EFNA5: variants seen among roughly 807,000 people sequenced by gnomAD.
EFNA5 encodes ephrin-A5.
Under a neutral mutation model 22.9 loss-of-function variants are expected in EFNA5, and 5 were observed. The observed-to-expected ratio is 0.22, with a 90% CI of 0.11 to 0.46. EFNA5 has a LOEUF of 0.46. EFNA5 is among the 20% of genes least tolerant of loss of function. EFNA5 has a pLI of 0.99. For missense variants in EFNA5, 237 were observed against 293.3 expected (o/e 0.81, Z 1.40); for synonymous variants, 113 against 112.2 (o/e 1.01, Z -0.04).
chr5:107,504,587 G>A (rs1747212929), intron 1 of EFNA5, among the ~76,000 whole-genome samples: 2 of 152,158 alleles, frequency 1.3e-5, no homozygotes, highest in African/African-American at 4.8e-5. Flanking sequence ...AGCACAGACA[G>A]ATACAGATAT....
In EFNA5 at chr5:107,402,012, T is replaced by C. The variant is rs202182129; in HGVS notation, c.419-14241A>G. Among the ~76,000 whole-genome samples the C allele has an allele frequency of 6.6e-5, 10 of 152,202 alleles. No individual in the cohort carries two copies. In the East Asian group the frequency reaches 1.5e-3, roughly 23 times the overall value. The stretch of plus-strand genomic sequence containing the variant: ...GCACTGCTGTGAGGTTTTGACTTTA[T>C]AGAAAAAGGCACTTCATAAAAGCAA... On this transcript the variant is annotated intron_variant, in intron 2 of 4. Coordinates refer to ENST00000333274, the MANE Select transcript of EFNA5 (RefSeq NM_001962.3).
At chr5:107,511,512 TTAA>T (rs913339859) in intron 1 of EFNA5, among the ~76,000 whole-genome samples, 1 of 152,150 alleles carries the variant, frequency 6.6e-6, no homozygotes, top group African/African-American at 2.4e-5. Flanking sequence ...ACTCAGTATT[TTAA>T]TAATAAAATA....
chr5:107,521,473 TA>T (rs1266476972), intron 1 of EFNA5, among the ~76,000 whole-genome samples: 2,695 of 130,522 alleles, frequency 0.021, 39 homozygotes, highest in East Asian at 0.072. Flanking sequence ...TATATATATA[TA>T]TATTTTTTTT....
intron 1 of EFNA5, among the ~76,000 whole-genome samples, chr5:107,635,896 G>A (rs1396067197): frequency 6.6e-6 from 1 of 152,140 alleles, no homozygotes; most frequent in African/African-American, 2.4e-5. Flanking sequence ...CCAGATTGTG[G>A]GCAAATGAAA....
chr5:107,656,711 C>A (rs1750832965), intron 1 of EFNA5, among the ~76,000 whole-genome samples: 1 of 152,076 alleles, frequency 6.6e-6, no homozygotes, highest in Non-Finnish European at 1.5e-5. Context: ...CACATATACA[C>A]ATTCCTTTAA....
chr5:107,394,741 CAATT>C (rs1747876814), intron 2 of EFNA5, among the ~76,000 whole-genome samples: 1 of 152,112 alleles, frequency 6.6e-6, no homozygotes, highest in South Asian at 2.1e-4. Flanking sequence ...CTCAGTAGAT[CAATT>C]ACTTTTTCTT....
intron 1 of EFNA5, among the ~76,000 whole-genome samples, chr5:107,646,393 T>C (rs969352291): frequency 6.6e-6 from 1 of 152,162 alleles, no homozygotes; most frequent in African/African-American, 2.4e-5. Flanking sequence ...CTTAAAGGCA[T>C]TATCATTCTC....
chr5:107,530,195 T>G lies in EFNA5; in HGVS notation c.126-102686A>C, dbSNP rs145060288. Among the ~76,000 whole-genome samples the G allele has an allele frequency of 8.5e-5, 13 of 152,362 alleles. 1 individual carries two copies. The East Asian group carries it at 2.3e-3, about 27-fold the overall frequency. On this transcript the variant is annotated intron_variant, in intron 1 of 4. Transcript: ENST00000333274. ...CATCCACTGTAAGTCAGCAAGGGGCTCTGCTCATTGTAGTAACTCAGGGAC... is the reference window on the plus strand; with the variant it reads ...CATCCACTGTAAGTCAGCAAGGGGCGCTGCTCATTGTAGTAACTCAGGGAC...
intron 1 of EFNA5, among the ~76,000 whole-genome samples, chr5:107,469,385 C>G (rs11242637): frequency 0.012 from 1,549 of 131,272 alleles, 13 homozygotes; most frequent in African/African-American, 0.04. Flanking sequence ...GGTATTTCCT[C>G]TTTCTTTTAT....
At chr5:107,520,480 A>G (rs1329323945) in intron 1 of EFNA5, among the ~76,000 whole-genome samples, 1 of 152,246 alleles carries the variant, frequency 6.6e-6, no homozygotes, top group Non-Finnish European at 1.5e-5. Flanking sequence ...TCAGTTGGCT[A>G]TGCTGTTCTC....
chr5:107,459,840 G>A (rs539814129), intron 1 of EFNA5, among the ~76,000 whole-genome samples: 1 of 152,274 alleles, frequency 6.6e-6, no homozygotes, highest in South Asian at 2.1e-4. Flanking sequence ...GATAAGGGCA[G>A]CTTGACTGGA....
intron 1 of EFNA5, among the ~76,000 whole-genome samples, chr5:107,436,508 T>C (rs1194902024): frequency 6.6e-6 from 1 of 152,202 alleles, no homozygotes; most frequent in African/African-American, 2.4e-5. Context: ...AAATAGTTAA[T>C]GTCTGGCAAT....
Position 107,667,757 on chromosome 5 carries a change from C to A in EFNA5, c.125+2732G>T, listed in dbSNP as rs112072972. 2.9e-3 allele frequency among the ~76,000 whole-genome samples: 447 copies of A among 152,112 alleles called. 2 individuals are homozygous for A. The highest frequency in any genetic ancestry group is 9.6e-3 in the African/African-American group (399 of 41,488). On this transcript the variant is annotated intron_variant, in intron 1 of 4. Transcript: ENST00000333274. ...AAAGATTGAAGTCTTACTAGTTTAG[C>A]AAAATTTTAACAGATAGGTTCTATA...
At chr5:107,531,820 A>G (rs1279411040) in intron 1 of EFNA5, among the ~76,000 whole-genome samples, 1 of 152,212 alleles carries the variant, frequency 6.6e-6, no homozygotes, top group East Asian at 1.9e-4. Flanking sequence ...TGCTACAGAA[A>G]TCTTGATTTA....
In EFNA5 at chr5:107,391,213, C is replaced by T. The variant is rs559554093; in HGVS notation, c.419-3442G>A. On this transcript the variant is annotated intron_variant, in intron 2 of 4. Coordinates refer to ENST00000333274, the MANE Select transcript of EFNA5 (RefSeq NM_001962.3). ...TATGCATCAGCTTCTTTATTAGGTG[C>T]TGTGCATGCGAAGATATATAAGATT... Among the ~76,000 whole-genome samples the T allele has an allele frequency of 4.6e-5, 7 of 152,250 alleles. 1 individual carries two copies. In the South Asian group the frequency reaches 1.5e-3, roughly 32 times the overall value.
intron 1 of EFNA5, among the ~76,000 whole-genome samples, chr5:107,617,515 T>C (rs1749947770): frequency 6.6e-6 from 1 of 152,094 alleles, no homozygotes; most frequent in Non-Finnish European, 1.5e-5. Flanking sequence ...TCACAACAGC[T>C]TTCCCCGCCA....
At chr5:107,536,160 T>G (rs1231189797) in intron 1 of EFNA5, among the ~76,000 whole-genome samples, 1 of 152,212 alleles carries the variant, frequency 6.6e-6, no homozygotes, top group African/African-American at 2.4e-5. Flanking sequence ...TACTCCTTGT[T>G]CTATTTCTTT....
At chr5:107,448,752 C>A (rs1344677996) in intron 1 of EFNA5, among the ~76,000 whole-genome samples, 1 of 151,612 alleles carries the variant, frequency 6.6e-6, no homozygotes, top group African/African-American at 2.4e-5. Context: ...ATTGCTTGAA[C>A]CCGGGAGATG....
At chr5:107,402,868 G>A (rs1444709802) in intron 2 of EFNA5, among the ~76,000 whole-genome samples, 2 of 152,172 alleles carry the variant, frequency 1.3e-5, no homozygotes, top group Non-Finnish European at 2.9e-5. Flanking sequence ...AACCTTTGTG[G>A]GAGGAAAGGA....
Sources: allele counts gnomAD v4.1 joint callset (sites outside exome capture counted in the v4.1 genomes callset), GRCh38; gene constraint gnomAD v4.1.1; transcripts MANE v1.5; gene names NCBI Gene and HGNC (gene_info 2026-07-23, HGNC 2026-07-21).